The following CLPX variants were observed in gnomAD, a reference collection of about 807,000 sequenced individuals.
CLPX encodes ATP-dependent clpX-like chaperone, mitochondrial.
In CLPX, 34 loss-of-function variants were observed where a neutral mutation model predicts 76.4. The ratio of observed to expected loss-of-function variants is 0.45; its 90% CI spans 0.34 to 0.59. CLPX has a LOEUF of 0.59. Ranked by LOEUF, CLPX falls within the 20% of genes least tolerant of loss-of-function variation. The probability of loss-of-function intolerance (pLI) is 0.01; values close to 1 mark genes in which losing one functional copy is unlikely to be tolerated. For missense variants in CLPX, 613 were observed against 757.0 expected, an observed-to-expected ratio of 0.81 and a Z score of 2.23; for synonymous variants, 248 against 270.9, an observed-to-expected ratio of 0.92 and a Z score of 0.83.
At chr15:65,153,768 A>G in intron 11 of CLPX, 129 bp from the exon 12 acceptor site, 1 of 563,008 alleles carries the variant, frequency 1.8e-6, no homozygotes, top group East Asian at 3.2e-5. Flanking sequence ...ACTTGTTTCT[A>G]TCAATCCATG....
chr15:65,174,004 C>T (rs2088050924), intron 3 of CLPX, among the ~76,000 whole-genome samples: 1 of 152,170 alleles, frequency 6.6e-6, no homozygotes, highest in Non-Finnish European at 1.5e-5. Context: ...GAGACAAAGT[C>T]TCGCTCTGTC....
At chr15:65,170,170 T>C (rs1041540575) in intron 3 of CLPX, among the ~76,000 whole-genome samples, 2 of 152,140 alleles carry the variant, frequency 1.3e-5, no homozygotes, top group Non-Finnish European at 2.9e-5. Flanking sequence ...ACATACATGC[T>C]TAACTCAGCC....
intron 3 of CLPX, among the ~76,000 whole-genome samples, chr15:65,167,086 T>C (rs1327526855): frequency 1.3e-5 from 2 of 152,224 alleles, no homozygotes; most frequent in Middle Eastern, 3.2e-3. Context: ...TTTTTTTTCT[T>C]TGGGAGACGG....
chr15:65,159,212 ATC>A (rs2087824719), intron 6 of CLPX, among the ~76,000 whole-genome samples: 2 of 152,198 alleles, frequency 1.3e-5, no homozygotes, highest in Admixed American at 1.3e-4. Context: ...CCCTATCTAA[ATC>A]TCTAATTTTA....
chr15:65,183,509 C>A (rs1307745819), intron 1 of CLPX, among the ~76,000 whole-genome samples: 11 of 111,388 alleles, frequency 9.9e-5, no homozygotes, highest in South Asian at 3.1e-4. Flanking sequence ...GACAGAAAGA[C>A]AGATAGTAGA....
chr15:65,174,908 C>T (rs191982629), intron 3 of CLPX, among the ~76,000 whole-genome samples: 175 of 152,156 alleles, frequency 1.2e-3, no homozygotes, highest in African/African-American at 3.9e-3. Context: ...CAAAACGCTG[C>T]GTACTGAAAA....
At chr15:65,167,380 G>C (rs1200600441) in intron 3 of CLPX, among the ~76,000 whole-genome samples, 1 of 151,928 alleles carries the variant, frequency 6.6e-6, no homozygotes, top group Non-Finnish European at 1.5e-5. Flanking sequence ...CACTAAAAAA[G>C]ATTTAAAACC....
At position 65,173,008 on chromosome 15, in the gene CLPX, C is replaced by G. The variant is rs139931267; in HGVS notation, c.358+5926G>C. On this transcript the variant is annotated intron_variant, in intron 3 of 13. Coordinates refer to ENST00000300107, the MANE Select transcript of CLPX (RefSeq NM_006660.5). ...GTAGCCTGGGCGACAGAGCAAGACCCTGTTTCTAAAAACAAAATAAAACCA... is the reference window on the plus strand; with the variant it reads ...GTAGCCTGGGCGACAGAGCAAGACCGTGTTTCTAAAAACAAAATAAAACCA... 3.9e-3 allele frequency among the ~76,000 whole-genome samples: 587 copies of G among 152,294 alleles called. 2 individuals are homozygous for G. The highest frequency in any genetic ancestry group is 0.01 in the Admixed American group (153 of 15,292).
chr15:65,168,814 A>G (rs2087956603), intron 3 of CLPX, among the ~76,000 whole-genome samples: 1 of 151,686 alleles, frequency 6.6e-6, no homozygotes. Flanking sequence ...ATTCCAATGG[A>G]TCAGCTACAG....
chr15:65,156,943 A>G lies in CLPX; in HGVS notation c.1058-11T>C. On this transcript the variant is annotated splice_polypyrimidine_tract_variant and intron_variant, in intron 8 of 13. Coordinates refer to ENST00000300107, the MANE Select transcript of CLPX (RefSeq NM_006660.5). ...CCAGAAAGACAATTCCTATAATTTAAGGAGGATTCTATTTATAATACGAAA... is the reference window on the plus strand; with the variant it reads ...CCAGAAAGACAATTCCTATAATTTAGGGAGGATTCTATTTATAATACGAAA... 1 of 1,569,768 alleles carries G rather than the reference A, an allele frequency of 6.4e-7. No homozygotes were observed. Among genetic ancestry groups the G allele is most frequent in the Non-Finnish European group, 8.8e-7 (1 of 1,142,554 alleles).
At chr15:65,155,942 CAA>C (rs1349822398) in intron 9 of CLPX, 86 bp from the exon 10 acceptor site, 1 of 1,188,644 alleles carries the variant, frequency 8.4e-7, no homozygotes, top group East Asian at 2.4e-5. Context: ...ATGGGGAAAA[CAA>C]TATGTGATTA....
intron 10 of CLPX, 119 bp from the exon 11 acceptor site, chr15:65,155,200 A>G (rs557382932): frequency 6.5e-6 from 6 of 928,718 alleles, no homozygotes; most frequent in African/African-American, 3.3e-5. Context: ...TTTTATTATC[A>G]TTTACATTTT....
rs74876076 is a variant in CLPX at position 65,166,875 on chromosome 15, C to T, written c.359-90G>A. Reference sequence around the variant, plus strand: ...AAGACTCCACTGTAAATGAAAGCTACGCACCTGACAAAAAGTAGACTTGCT... The same window carrying T: ...AAGACTCCACTGTAAATGAAAGCTATGCACCTGACAAAAAGTAGACTTGCT... On this transcript the variant is annotated intron_variant, in intron 3 of 13. Coordinates refer to ENST00000300107, the MANE Select transcript of CLPX (RefSeq NM_006660.5). 8.0e-3 allele frequency: 10,288 copies of T among 1,284,692 alleles called. 72 individuals are homozygous for T. Among genetic ancestry groups the T allele is most frequent in the Middle Eastern group, 0.016 (60 of 3,646 alleles). 79.6% of individuals were successfully genotyped at this position (1,284,692 alleles called of 1,614,324 possible). A position where few individuals can be genotyped will look rare whatever the true frequency, so the allele number is the denominator to read the frequency against.
intron 6 of CLPX, among the ~76,000 whole-genome samples, chr15:65,162,112 G>A (rs1415863656): frequency 1.3e-5 from 2 of 152,118 alleles, no homozygotes; most frequent in African/African-American, 4.8e-5. Flanking sequence ...AGGAATAGGT[G>A]GAACACAACA....
rs191696912 is a variant in CLPX, at chr15:65,180,866, C to A, written c.80-662G>T. ...TTGCAGCGAACTGAAGTCGTGCCAC[C>A]GCACTCCAGCCTGGGTGACATAGCG... On this transcript the variant is annotated intron_variant, in intron 1 of 13. Coordinates refer to ENST00000300107, the MANE Select transcript of CLPX (RefSeq NM_006660.5). Among the ~76,000 whole-genome samples the A allele has an allele frequency of 3.9e-3, 578 of 148,820 alleles. 2 individuals carry two copies. Among genetic ancestry groups the A allele is most frequent in the Admixed American group, 0.01 (149 of 14,878 alleles).
In CLPX at chr15:65,150,056, TC is replaced by T. The variant is rs1412502526; in HGVS notation, c.*766del. ...GTTTAACTACTTGAAAACTACCTGG[TC>T]CAATTTTTTGTTTTCGCCCTGAGAC... is the stretch of plus-strand genomic sequence containing the variant. On this transcript the variant is annotated 3_prime_UTR_variant, in exon 14 of 14. Coordinates refer to ENST00000300107, the MANE Select transcript of CLPX (RefSeq NM_006660.5). 6.6e-6 allele frequency: 1 copy of T among 152,238 alleles called. No homozygotes were observed. The highest frequency in any genetic ancestry group is 6.5e-5 in the Admixed American group (1 of 15,268). The allele number at this position is 152,238 out of a possible 1,614,324, so 9.4% of individuals were successfully genotyped here. A position where few individuals can be genotyped will look rare whatever the true frequency, so the allele number is the denominator to read the frequency against.
intron 4 of CLPX, among the ~76,000 whole-genome samples, chr15:65,164,407 C>T (rs903050234): frequency 1.3e-5 from 2 of 152,192 alleles, no homozygotes; most frequent in South Asian, 4.1e-4. Flanking sequence ...AACAAAGTAT[C>T]ACTGTACTCT....
At chr15:65,182,737 G>C (rs1165063706) in intron 1 of CLPX, among the ~76,000 whole-genome samples, 1 of 152,198 alleles carries the variant, frequency 6.6e-6, no homozygotes, top group East Asian at 1.9e-4. Flanking sequence ...AGCCAAAAAA[G>C]AGAAGTGTTT....
At chr15:65,155,671 T>C (rs775880805) in intron 10 of CLPX, 21 bp downstream of exon 10, 1 of 1,601,506 alleles carries the variant, frequency 6.2e-7, no homozygotes, top group East Asian at 2.2e-5. Flanking sequence ...ATCCTTCTAG[T>C]AACCCCTCAG....
Sources: gnomAD v4.1 joint callset for allele counts (sites outside exome capture counted in the v4.1 genomes callset) on GRCh38, gnomAD v4.1.1 for gene constraint, MANE v1.5 for transcripts, NCBI Gene and HGNC (gene_info 2026-07-23, HGNC 2026-07-21) for gene names.